TCERG1L: variants seen among roughly 807,000 people sequenced by gnomAD.
TCERG1L encodes the protein transcription elongation regulator 1 like.
In TCERG1L, 37 loss-of-function variants were observed where a neutral mutation model predicts 56.3. The ratio of observed to expected loss-of-function variants is 0.66; its 90% CI spans 0.51 to 0.87. TCERG1L has a LOEUF of 0.87. Ranked by LOEUF, TCERG1L falls within the 40% of genes least tolerant of loss-of-function variation. The pLI, the probability that TCERG1L is intolerant of heterozygous loss-of-function variation, is 0.00. For missense variants in TCERG1L, 799 were observed against 774.2 expected (o/e 1.03, Z -0.38); for synonymous variants, 324 against 326.3 (o/e 0.99, Z 0.08).
intron 6 of TCERG1L, chr10:131,161,118 G>A (rs1170510835): frequency 1.3e-5 from 2 of 152,184 alleles, no homozygotes; most frequent in East Asian, 3.9e-4. Context: ...CTCAACCATG[G>A]ACTGACCACA....
chr10:131,208,236 T>C (rs565055902), intron 4 of TCERG1L, among the ~76,000 whole-genome samples: 6 of 152,322 alleles, frequency 3.9e-5, no homozygotes, highest in African/African-American at 1.4e-4. Context: ...CCCTCCTCCA[T>C]GACGGATGCC....
Position 131,311,280 on chromosome 10 carries a change from C to T in TCERG1L, c.342+14G>A, listed in dbSNP as rs1846892081. On this transcript the variant is annotated intron_variant, in intron 1 of 11. Coordinates refer to ENST00000368642, the MANE Select transcript of TCERG1L (RefSeq NM_174937.4). The surrounding 1 kb of genome is among the most constrained non-coding windows in gnomAD (Gnocchi z 4.0). ...GACGGCGACCCGGGCCGAGGCGGGA[C>T]GGGGACACGTTACCTGCCCGTGGAG... is the stretch of plus-strand genomic sequence containing the variant. The T allele has an allele frequency of 8.3e-7, 1 of 1,203,400 alleles. No homozygotes were observed. The highest frequency in any genetic ancestry group is 1.0e-6 in the Non-Finnish European group (1 of 969,660). The allele number at this position is 1,203,400 out of a possible 1,614,324, so 74.5% of individuals were successfully genotyped here. A position where few individuals can be genotyped will look rare whatever the true frequency, so the allele number is the denominator to read the frequency against.
intron 1 of TCERG1L, among the ~76,000 whole-genome samples, chr10:131,309,849 A>AAAAAAAAAAAAAAAAAC (rs1846863072): frequency 6.7e-6 from 1 of 149,864 alleles, no homozygotes; most frequent in Non-Finnish European, 1.5e-5. Context: ...AAAAAAAAAA[A>AAAAAAAAAAAAAAAAAC]AAAAAAAAAA....
chr10:131,282,429 CA>C (rs1846470146), intron 3 of TCERG1L, among the ~76,000 whole-genome samples: 1 of 150,178 alleles, frequency 6.7e-6, no homozygotes, highest in African/African-American at 2.4e-5. Flanking sequence ...ACCAAACAGG[CA>C]GATGGGAACT....
chr10:131,153,071 G>A (rs1196210967), intron 6 of TCERG1L, among the ~76,000 whole-genome samples: 1 of 152,130 alleles, frequency 6.6e-6, no homozygotes, highest in African/African-American at 2.4e-5. Flanking sequence ...GTCTGGGCAG[G>A]TGAATTCATT....
chr10:131,123,627 C>T (rs772168976), intron 8 of TCERG1L, among the ~76,000 whole-genome samples: 1 of 152,070 alleles, frequency 6.6e-6, no homozygotes, highest in Non-Finnish European at 1.5e-5. Context: ...AGCCCAGAGC[C>T]TCTGAGCAGA....
At chr10:131,223,984 G>A (rs1040362285) in intron 4 of TCERG1L, among the ~76,000 whole-genome samples, 4 of 151,584 alleles carry the variant, frequency 2.6e-5, no homozygotes, top group East Asian at 1.9e-4. Context: ...TGCATTCCCC[G>A]TGGTGAGAAG....
chr10:131,134,267 T>A (rs980569166), intron 8 of TCERG1L, 112 bp downstream of exon 8: 4 of 962,104 alleles, frequency 4.2e-6, no homozygotes, highest in South Asian at 1.5e-5. Context: ...TGTCTAGCGG[T>A]TGAATTAGCT....
chr10:131,271,933 G>A (rs888017679), intron 3 of TCERG1L, among the ~76,000 whole-genome samples: 1 of 152,238 alleles, frequency 6.6e-6, no homozygotes, highest in African/African-American at 2.4e-5. Context: ...TTCAGGCGCT[G>A]TAGCTACCAA....
At chr10:131,271,073 C>A (rs780275405) in intron 3 of TCERG1L, among the ~76,000 whole-genome samples, 1 of 152,220 alleles carries the variant, frequency 6.6e-6, no homozygotes, top group African/African-American at 2.4e-5. Context: ...CTGGCCTCAG[C>A]AATACCAGGA....
At chr10:131,284,642 T>G (rs956216932) in intron 3 of TCERG1L, among the ~76,000 whole-genome samples, 1 of 151,220 alleles carries the variant, frequency 6.6e-6, no homozygotes, top group Non-Finnish European at 1.5e-5. Flanking sequence ...AAACCTCTAG[T>G]GGAAATGAAC....
In TCERG1L at chr10:131,092,993, G is replaced by T; in HGVS notation, c.*169C>A. Reference sequence around the variant, plus strand: ...AAACTCTGAATGTACAAAAGAGAGAGCTTCAATATGAAACAGTAATCCTCT... The same window carrying T: ...AAACTCTGAATGTACAAAAGAGAGATCTTCAATATGAAACAGTAATCCTCT... On this transcript the variant is annotated 3_prime_UTR_variant, in exon 12 of 12. Coordinates refer to ENST00000368642, the MANE Select transcript of TCERG1L (RefSeq NM_174937.4). 1 of 595,440 alleles carries T rather than the reference G, an allele frequency of 1.7e-6. No individual in the cohort carries two copies. The highest frequency in any genetic ancestry group is 2.9e-6 in the Non-Finnish European group (1 of 346,556). The allele number at this position is 595,440 out of a possible 1,614,324, so 36.9% of individuals were successfully genotyped here. A position where few individuals can be genotyped will look rare whatever the true frequency, so the allele number is the denominator to read the frequency against.
At chr10:131,243,308 G>A (rs954084669) in intron 4 of TCERG1L, among the ~76,000 whole-genome samples, 2 of 152,088 alleles carry the variant, frequency 1.3e-5, no homozygotes, top group Admixed American at 6.5e-5. Flanking sequence ...ATGGCCAGGC[G>A]TGAGGGCTCA....
At chr10:131,227,744 T>TTGA (rs75458763) in intron 4 of TCERG1L, among the ~76,000 whole-genome samples, 67,919 of 151,822 alleles carry the variant, frequency 0.45, 15,457 homozygotes, top group African/African-American at 0.54. Flanking sequence ...GATACACGTC[T>TTGA]TGATTACAAA....
chr10:131,177,655 G>A (rs1279373934), intron 4 of TCERG1L, among the ~76,000 whole-genome samples: 3 of 152,156 alleles, frequency 2.0e-5, no homozygotes, highest in Non-Finnish European at 4.4e-5. Flanking sequence ...AGAGGGCAGC[G>A]TGTGTGCTGG....
chr10:131,292,856 A>ATTT (rs34216280), intron 3 of TCERG1L, among the ~76,000 whole-genome samples: 16 of 140,860 alleles, frequency 1.1e-4, no homozygotes, highest in Non-Finnish European at 1.7e-4. Context: ...TATTTCTGGG[A>ATTT]TTTTTTTTTT....
Position 131,309,531 on chromosome 10 carries a change from T to C in TCERG1L, c.343-232A>G, listed in dbSNP as rs114270786. ...GCATTACCAACATTGCATTCTTCAATACTGAAAAAGAACTTCTAAGCACAA... is the reference window on the plus strand; with the variant it reads ...GCATTACCAACATTGCATTCTTCAACACTGAAAAAGAACTTCTAAGCACAA... On this transcript the variant is annotated intron_variant, in intron 1 of 11. Coordinates refer to ENST00000368642, the MANE Select transcript of TCERG1L (RefSeq NM_174937.4). Among the ~76,000 whole-genome samples the C allele has an allele frequency of 7.2e-3, 1,099 of 152,274 alleles. 15 individuals carry two copies. The highest frequency in any genetic ancestry group is 0.025 in the African/African-American group (1,037 of 41,552).
At chr10:131,229,614 A>T (rs965073542) in intron 4 of TCERG1L, among the ~76,000 whole-genome samples, 4 of 152,212 alleles carry the variant, frequency 2.6e-5, no homozygotes, top group African/African-American at 9.6e-5. Context: ...TCTAGGAGGT[A>T]GATGAAACCC....
Position 131,271,210 on chromosome 10 carries a change from G to A in TCERG1L, c.671-10766C>T, listed in dbSNP as rs12267695. ...CAGCAGCTGGATTTGGCTTTTCCCG[G>A]GACTCAGTGAAGAAGAGGGACAGTA... On this transcript the variant is annotated intron_variant, in intron 3 of 11. Transcript: ENST00000368642. 7.7e-3 allele frequency among the ~76,000 whole-genome samples: 1,160 copies of A among 150,640 alleles called. 18 individuals carry two copies. Among genetic ancestry groups the A allele is most frequent in the African/African-American group, 0.026 (1,093 of 41,508 alleles).
Sources: gnomAD v4.1 joint callset for allele counts (sites outside exome capture counted in the v4.1 genomes callset) on GRCh38, gnomAD v4.1.1 for gene constraint, Gnocchi (gnomAD v3.1) non-coding constraint, MANE v1.5 for transcripts, NCBI Gene and HGNC (gene_info 2026-07-23, HGNC 2026-07-21) for gene names.